The following CDC25C variants were observed in gnomAD, a reference collection of about 807,000 sequenced individuals.
CDC25C encodes the protein M-phase inducer phosphatase 3.
A neutral mutation model predicts 52.5 loss-of-function variants in CDC25C; 48 were observed. That is an observed-to-expected ratio of 0.91 (90% CI 0.72 to 1.16). The LOEUF (loss-of-function observed/expected upper bound fraction) is 1.16, where lower values mean the gene tolerates loss of function less well. Ranked by LOEUF, CDC25C falls within the 50% of genes most tolerant of loss-of-function variation. CDC25C has a pLI of 0.00. For missense variants in CDC25C, 510 were observed against 566.1 expected (o/e 0.90, Z 1.01); for synonymous variants, 187 against 206.5 (o/e 0.91, Z 0.81).
chr5:138,329,723 C>CTTA, intron 2 of CDC25C, 76 bp from the exon 3 acceptor site: 1 of 488,636 alleles, frequency 2.0e-6, no homozygotes. Context: ...ATGTCATCCT[C>CTTA]TTCTTTTTTT....
chr5:138,292,399 A>G (rs1756808977), intron 7 of CDC25C, among the ~76,000 whole-genome samples: 1 of 151,536 alleles, frequency 6.6e-6, no homozygotes, highest in East Asian at 1.9e-4. Flanking sequence ...AGCCAAACCA[A>G]ATTCTGCAGC....
At chr5:138,327,977 C>T (rs1218718935) in intron 4 of CDC25C, among the ~76,000 whole-genome samples, 1 of 152,144 alleles carries the variant, frequency 6.6e-6, no homozygotes, top group Non-Finnish European at 1.5e-5. Context: ...AGTAATTCTC[C>T]TACCTCAACC....
At chr5:138,317,001 C>A (rs1758928448) in intron 7 of CDC25C, among the ~76,000 whole-genome samples, 1 of 152,218 alleles carries the variant, frequency 6.6e-6, no homozygotes, top group Admixed American at 6.5e-5. Context: ...AAAAGCAACA[C>A]CCTAAAGATC....
At chr5:138,295,221 T>C (rs1450720913) in intron 7 of CDC25C, among the ~76,000 whole-genome samples, 1 of 152,208 alleles carries the variant, frequency 6.6e-6, no homozygotes, top group Non-Finnish European at 1.5e-5. Context: ...TGGTAGCTAA[T>C]ATAGTGATAA....
intron 7 of CDC25C, among the ~76,000 whole-genome samples, chr5:138,297,976 A>AGACAGCCAC (rs1164112460): frequency 2.0e-5 from 3 of 151,902 alleles, no homozygotes; most frequent in Non-Finnish European, 2.9e-5. Context: ...GCAGCCAGTG[A>AGACAGCCAC]GACAGCCACA....
Position 138,326,059 on chromosome 5 carries a change from A to G in CDC25C, c.336-5T>C, listed in dbSNP as rs1759829715. On this transcript the variant is annotated splice_region_variant and splice_polypyrimidine_tract_variant and intron_variant, in intron 4 of 13. Coordinates refer to ENST00000323760, the MANE Select transcript of CDC25C (RefSeq NM_001790.5). Reference sequence around the variant, plus strand: ...ATTAGGTGCTGGTCATGATTCCTGCAGATTAAAACAAACTGCCTGTCAGGT... The same window carrying G: ...ATTAGGTGCTGGTCATGATTCCTGCGGATTAAAACAAACTGCCTGTCAGGT... The G allele has an allele frequency of 6.2e-7, 1 of 1,614,212 alleles. No homozygotes were observed. Among genetic ancestry groups the G allele is most frequent in the Non-Finnish European group, 8.5e-7 (1 of 1,180,000 alleles).
chr5:138,288,969 GTAAT>G (rs1756486079), intron 10 of CDC25C, among the ~76,000 whole-genome samples: 2 of 151,736 alleles, frequency 1.3e-5, no homozygotes, highest in South Asian at 2.1e-4. Flanking sequence ...TTTTTCTTAA[GTAAT>G]TATTATTTTT....
intron 2 of CDC25C, among the ~76,000 whole-genome samples, chr5:138,330,195 A>T (rs1322903459): frequency 6.8e-6 from 1 of 147,422 alleles, no homozygotes. Context: ...GAAACAGATA[A>T]TTTTTTTTTT....
intron 6 of CDC25C, among the ~76,000 whole-genome samples, chr5:138,322,794 T>G (rs1340206708): frequency 6.6e-6 from 1 of 151,732 alleles, no homozygotes; most frequent in Non-Finnish European, 1.5e-5. Flanking sequence ...TTTCATATTT[T>G]TTTTTCAGTA....
chr5:138,288,647 G>A (rs2126646593), intron 10 of CDC25C, among the ~76,000 whole-genome samples: 1 of 152,232 alleles, frequency 6.6e-6, no homozygotes, highest in Non-Finnish European at 1.5e-5. Flanking sequence ...AGCCGAGATT[G>A]TGCCATTGCA....
upstream of CDC25C, chr5:138,332,058 G>A (rs11567954): frequency 2.0e-3 from 437 of 219,350 alleles, 15 homozygotes; most frequent in Admixed American, 0.026. Context: ...CGCCTCACGG[G>A]GAGCCTGGCG....
chr5:138,325,274 T>A (rs889506108), intron 6 of CDC25C, among the ~76,000 whole-genome samples: 18 of 152,012 alleles, frequency 1.2e-4, no homozygotes, highest in African/African-American at 4.4e-4. Context: ...GGGGCTTAGA[T>A]GAGGGATTAG....
At chr5:138,315,348 T>G (rs1217758684) in intron 7 of CDC25C, among the ~76,000 whole-genome samples, 1 of 152,174 alleles carries the variant, frequency 6.6e-6, no homozygotes, top group African/African-American at 2.4e-5. Flanking sequence ...GGGAAAAGCA[T>G]GGTATATATA....
At chr5:138,288,171 G>A (rs763571713) in intron 10 of CDC25C, among the ~76,000 whole-genome samples, 3 of 151,992 alleles carry the variant, frequency 2.0e-5, no homozygotes, top group Non-Finnish European at 2.9e-5. Context: ...TGCCTCCCGG[G>A]TTCAAGCAAT....
chr5:138,296,414 G>A (rs1475768230), intron 7 of CDC25C, among the ~76,000 whole-genome samples: 3 of 150,244 alleles, frequency 2.0e-5, no homozygotes, highest in Non-Finnish European at 4.4e-5. Flanking sequence ...TTTTGTATTT[G>A]TATTTTATTT....
intron 3 of CDC25C, 44 bp from the exon 4 acceptor site, chr5:138,328,573 C>T: frequency 6.7e-7 from 1 of 1,490,942 alleles, no homozygotes; most frequent in South Asian, 1.1e-5. Flanking sequence ...TTATTCTTGT[C>T]CATGCATCCT....
chr5:138,312,172 A>T (rs2126760001), intron 7 of CDC25C, among the ~76,000 whole-genome samples: 1 of 152,162 alleles, frequency 6.6e-6, no homozygotes, highest in East Asian at 1.9e-4. Context: ...GAATAACCAT[A>T]TGACCCAGCA....
At chr5:138,313,779 A>G (rs1758634189) in intron 7 of CDC25C, among the ~76,000 whole-genome samples, 2 of 151,924 alleles carry the variant, frequency 1.3e-5, no homozygotes, top group Non-Finnish European at 2.9e-5. Context: ...GATAGCTTCA[A>G]CTCCTCATTT....
chr5:138,304,674 A>AT (rs932058349), intron 7 of CDC25C, among the ~76,000 whole-genome samples: 3 of 151,668 alleles, frequency 2.0e-5, no homozygotes, highest in African/African-American at 7.3e-5. Context: ...TGCAACTAAC[A>AT]TTTTTTTATT....
Sources: gnomAD v4.1 joint callset for allele counts (sites outside exome capture counted in the v4.1 genomes callset) on GRCh38, gnomAD v4.1.1 for gene constraint, MANE v1.5 for transcripts, NCBI Gene and HGNC (gene_info 2026-07-23, HGNC 2026-07-21) for gene names.